Variants in CD1B observed in about 807,000 individuals in gnomAD.
CD1B encodes T-cell surface glycoprotein CD1b.
In CD1B, 43 loss-of-function variants were observed where a neutral mutation model predicts 39.8. The observed-to-expected ratio is 1.08, with a 90% CI of 0.85 to 1.39. The LOEUF is 1.39. Among genes scored for constraint, CD1B ranks in the 40% most tolerant of loss-of-function variants. The probability of loss-of-function intolerance (pLI) is 0.00; values close to 1 mark genes in which losing one functional copy is unlikely to be tolerated. For missense variants in CD1B, 495 were observed against 403.8 expected (o/e 1.23, Z -1.94); for synonymous variants, 192 against 152.5 (o/e 1.26, Z -1.91).
In CD1B at chr1:158,329,454, C is replaced by G; in HGVS notation, c.802G>C (p.Asp268His). ...NWTWYLRATL[D>H]VADGEAAGLS... ...CCAGCCGCCTCCCCATCTGCCACAT[C>G]CAGGGTTGCTCGGAGATACCATGTC... The change falls in exon 4 of 6, where the codon GAT becomes CAT. Residue 268 changes from aspartate (D) to histidine (H), a missense_variant. Coordinates refer to ENST00000368168, the MANE Select transcript of CD1B (RefSeq NM_001764.3). 1.2e-6 allele frequency: 2 copies of G among 1,614,176 alleles called. No homozygotes were observed. Among genetic ancestry groups the G allele is most frequent in the Non-Finnish European group, 1.7e-6 (2 of 1,180,024 alleles).
At chr1:158,309,974 C>T in the CD1B span, among the ~76,000 whole-genome samples, 3,259 of 124,138 alleles carry the variant, frequency 0.026, 58 homozygotes, top group Non-Finnish European at 0.035. Context: ...TAAAACTTAA[C>T]GTATAATAAT....
chr1:158,319,673 G>A, the CD1B span, among the ~76,000 whole-genome samples: 112 of 152,284 alleles, frequency 7.4e-4, no homozygotes, highest in Admixed American at 1.4e-3. Flanking sequence ...CGTCAAAGTC[G>A]TTCTCTGTCC....
the CD1B span, chr1:158,293,106 C>A: frequency 2.1e-6 from 2 of 973,352 alleles, no homozygotes; most frequent in South Asian, 1.5e-5. Flanking sequence ...AATAGGATAA[C>A]TGATGCAACT....
At chr1:158,295,686 C>A in the CD1B span, among the ~76,000 whole-genome samples, 43 of 152,200 alleles carry the variant, frequency 2.8e-4, no homozygotes, top group African/African-American at 9.4e-4. Flanking sequence ...CTGAGCCCCC[C>A]ACCCCATGTC....
At chr1:158,325,826 A>G (rs547416939), downstream of CD1B, among the ~76,000 whole-genome samples, 186 of 152,316 alleles carry the variant, frequency 1.2e-3, no homozygotes, top group African/African-American at 4.3e-3. Flanking sequence ...CACCTTCAAT[A>G]TAACTTGTAC....
chr1:158,326,424 G>A (rs1652352941), downstream of CD1B, among the ~76,000 whole-genome samples: 1 of 152,092 alleles, frequency 6.6e-6, no homozygotes, highest in South Asian at 2.1e-4. Context: ...AAAAATGAGA[G>A]AAGAATCCTA....
chr1:158,288,026 C>A, the CD1B span, among the ~76,000 whole-genome samples: 1 of 152,164 alleles, frequency 6.6e-6, no homozygotes, highest in East Asian at 1.9e-4. Flanking sequence ...GGAAATAGGA[C>A]AGTTGCATCT....
At chr1:158,306,878 C>T in the CD1B span, among the ~76,000 whole-genome samples, 1,879 of 152,134 alleles carry the variant, frequency 0.012, 39 homozygotes, top group African/African-American at 0.04. Flanking sequence ...TTCTTTGAAA[C>T]CAACGAGAAC....
the CD1B span, among the ~76,000 whole-genome samples, chr1:158,315,750 G>T: frequency 1.3e-5 from 2 of 151,966 alleles, no homozygotes; most frequent in Non-Finnish European, 2.9e-5. Flanking sequence ...TGTCCTGAAT[G>T]GTATTGCCTA....
chr1:158,298,623 G>A, the CD1B span, among the ~76,000 whole-genome samples: 1 of 152,140 alleles, frequency 6.6e-6, no homozygotes, highest in Non-Finnish European at 1.5e-5. Flanking sequence ...CCATTTTCAC[G>A]ATATTGATTC....
the CD1B span, among the ~76,000 whole-genome samples, chr1:158,318,402 C>A: frequency 6.6e-6 from 1 of 152,142 alleles, no homozygotes; most frequent in Non-Finnish European, 1.5e-5. Flanking sequence ...GAATTGATCC[C>A]TTTACCATTC....
chr1:158,314,768 C>T, the CD1B span, among the ~76,000 whole-genome samples: 1 of 151,640 alleles, frequency 6.6e-6, no homozygotes, highest in African/African-American at 2.4e-5. Flanking sequence ...AACTCGTCAT[C>T]TAGCATTAGG....
the CD1B span, among the ~76,000 whole-genome samples, chr1:158,296,419 C>G: frequency 1.3e-5 from 2 of 152,100 alleles, no homozygotes; most frequent in African/African-American, 2.4e-5. Context: ...TCAAGGGCAT[C>G]AAAGAATATA....
At chr1:158,294,311 T>C in the CD1B span, among the ~76,000 whole-genome samples, 1 of 152,248 alleles carries the variant, frequency 6.6e-6, no homozygotes, top group Non-Finnish European at 1.5e-5. Flanking sequence ...GGCTAAACTT[T>C]AGTCCCTTTA....
chr1:158,330,899 G>A lies in CD1B; in HGVS notation c.225C>T (p.Asn75=). The part of the protein sequence containing the change: ...AIFLKPWSKG[N]FSDKEVAELE... ...ACTCAGCAACCTCCTTATCACTAAA[G>A]TTACCTTTAGACCAAGGCTTCAGGA... Residue 75 remains asparagine (N), a synonymous_variant, in exon 2 of 6, where the codon AAC becomes AAT. Coordinates refer to ENST00000368168, the MANE Select transcript of CD1B (RefSeq NM_001764.3). 1 of 1,614,076 alleles carries A rather than the reference G, an allele frequency of 6.2e-7. No homozygotes were observed. The highest frequency in any genetic ancestry group is 1.7e-5 in the Admixed American group (1 of 60,008).
chr1:158,290,741 T>C, the CD1B span, among the ~76,000 whole-genome samples: 1 of 152,172 alleles, frequency 6.6e-6, no homozygotes, highest in Non-Finnish European at 1.5e-5. Context: ...CAAATGGCTT[T>C]TCTGAGAGAA....
the CD1B span, among the ~76,000 whole-genome samples, chr1:158,289,044 G>T: frequency 6.6e-6 from 1 of 152,314 alleles, no homozygotes; most frequent in South Asian, 2.1e-4. Context: ...AGAATTTTCA[G>T]TATTTAGTTG....
At chr1:158,323,687 C>G (rs985599665), downstream of CD1B, among the ~76,000 whole-genome samples, 3 of 152,246 alleles carry the variant, frequency 2.0e-5, no homozygotes, top group African/African-American at 7.2e-5. Flanking sequence ...ATGACTGCTG[C>G]AGCCATTTCA....
At chr1:158,292,059 T>C in the CD1B span, 4 of 1,589,408 alleles carry the variant, frequency 2.5e-6, no homozygotes, top group Non-Finnish European at 3.4e-6. Context: ...TTTGAACTCT[T>C]TTTCTCATTC....
Sources: allele counts gnomAD v4.1 joint callset (sites outside exome capture counted in the v4.1 genomes callset), GRCh38; gene constraint gnomAD v4.1.1; transcripts MANE v1.5; gene names NCBI Gene and HGNC (gene_info 2026-07-23, HGNC 2026-07-21).